Variants in HS6ST3 observed in about 807,000 individuals in gnomAD.
The protein encoded by HS6ST3 is heparan sulfate 6-O-sulfotransferase 3, also known as heparan-sulfate 6-O-sulfotransferase 3.
In HS6ST3, 12 loss-of-function variants were observed where a neutral mutation model predicts 36.7. The observed-to-expected ratio is 0.33, with a 90% confidence interval of 0.21 to 0.53. The LOEUF is 0.53. HS6ST3 is among the 20% of genes least tolerant of loss of function. The probability of loss-of-function intolerance (pLI) is 0.95; values close to 1 mark genes in which losing one functional copy is unlikely to be tolerated. For synonymous variants in HS6ST3, 240 were observed against 257.5 expected (o/e 0.93, Z 0.65); for missense variants, 584 against 640.9 (o/e 0.91, Z 0.96).
rs115931878 is a variant in HS6ST3 at position 96,452,153 on chromosome 13, T to A, written c.707+360584T>A. Among the ~76,000 whole-genome samples, 908 of 152,316 alleles carry A rather than the reference T, an allele frequency of 6.0e-3. 10 individuals are homozygous for A. The highest frequency in any genetic ancestry group is 0.021 in the African/African-American group (877 of 41,550). ...ACTCTCTTTACTGGTATTTGTGTAA[T>A]GCAGAATTAAATTTTGTGGAGCATT... is the stretch of plus-strand genomic sequence containing the variant. On this transcript the variant is annotated intron_variant, in intron 1 of 1. Coordinates refer to ENST00000376705, the MANE Select transcript of HS6ST3 (RefSeq NM_153456.4).
intron 1 of HS6ST3, among the ~76,000 whole-genome samples, chr13:96,139,217 A>G (rs1367927980): frequency 6.6e-6 from 1 of 152,058 alleles, no homozygotes; most frequent in East Asian, 1.9e-4. Context: ...ATATTAATAT[A>G]ATTTTTCTGA....
At chr13:96,615,159 C>A (rs927951173) in intron 1 of HS6ST3, among the ~76,000 whole-genome samples, 6 of 152,028 alleles carry the variant, frequency 3.9e-5, no homozygotes, top group African/African-American at 9.7e-5. Context: ...ATGAAAAAAA[C>A]CACAATTACT....
At chr13:96,507,779 G>A (rs1316372152) in intron 1 of HS6ST3, among the ~76,000 whole-genome samples, 3 of 151,988 alleles carry the variant, frequency 2.0e-5, no homozygotes, top group Non-Finnish European at 1.5e-5. Context: ...TTATTATTTG[G>A]TGAGCATCAT....
At chr13:96,647,436 C>T (rs577071148) in intron 1 of HS6ST3, among the ~76,000 whole-genome samples, 2 of 152,110 alleles carry the variant, frequency 1.3e-5, no homozygotes, top group East Asian at 1.9e-4. Context: ...TCTAGATGCA[C>T]CCATCCTTTC....
At chr13:96,125,595 C>T (rs2053946522) in intron 1 of HS6ST3, among the ~76,000 whole-genome samples, 1 of 151,890 alleles carries the variant, frequency 6.6e-6, no homozygotes, top group Non-Finnish European at 1.5e-5. Context: ...ACAGTATAAA[C>T]AAAATAAAAA....
chr13:96,509,644 A>G (rs1009263782), intron 1 of HS6ST3, among the ~76,000 whole-genome samples: 1 of 152,184 alleles, frequency 6.6e-6, no homozygotes, highest in African/African-American at 2.4e-5. Context: ...GTCAAAGATC[A>G]GTTGGCTGTG....
intron 1 of HS6ST3, among the ~76,000 whole-genome samples, chr13:96,506,458 T>C (rs961492616): frequency 2.0e-5 from 3 of 152,168 alleles, no homozygotes; most frequent in Non-Finnish European, 4.4e-5. Flanking sequence ...TGGGGAAACT[T>C]CCCATGAAGG....
intron 1 of HS6ST3, among the ~76,000 whole-genome samples, chr13:96,444,623 G>A (rs2055689482): frequency 6.6e-6 from 1 of 152,110 alleles, no homozygotes; most frequent in African/African-American, 2.4e-5. Context: ...TTTATGCTAT[G>A]CTTTCTGGAT....
rs551704269 is a variant in HS6ST3, at chr13:96,674,541, T to C, written c.708-157949T>C. Among the ~76,000 whole-genome samples, 793 of 152,056 alleles carry C rather than the reference T, an allele frequency of 5.2e-3. 8 individuals are homozygous for C. Among genetic ancestry groups the C allele is most frequent in the African/African-American group, 0.018 (755 of 41,494 alleles). ...TAGCACTCTGGGAACAGGGGGAAGT[T>C]AAGGGGCTAGGATTCTCCTTCATGA... is the stretch of plus-strand genomic sequence containing the variant. On this transcript the variant is annotated intron_variant, in intron 1 of 1. Transcript: ENST00000376705.
chr13:96,417,079 C>T (rs1285591185), intron 1 of HS6ST3, among the ~76,000 whole-genome samples: 2 of 152,154 alleles, frequency 1.3e-5, no homozygotes, highest in East Asian at 3.9e-4. Context: ...GCTGCCAGCA[C>T]ACGTTCAGAA....
chr13:96,510,546 G>A (rs967002283), intron 1 of HS6ST3, among the ~76,000 whole-genome samples: 8 of 152,040 alleles, frequency 5.3e-5, no homozygotes, highest in Middle Eastern at 3.4e-3. Context: ...AGCTCTAATG[G>A]GGGTGGCAGA....
At chr13:96,100,113 A>G (rs192538971) in intron 1 of HS6ST3, among the ~76,000 whole-genome samples, 20 of 152,298 alleles carry the variant, frequency 1.3e-4, no homozygotes, top group Admixed American at 1.0e-3. Context: ...TAAAGAATGA[A>G]ATCCTAAAAT....
chr13:96,442,993 C>A, intron 1 of HS6ST3, among the ~76,000 whole-genome samples: 1 of 151,398 alleles, frequency 6.6e-6, no homozygotes. Context: ...AGAAATTGAG[C>A]AATATTAGGT....
At chr13:96,613,029 G>A (rs1310593710) in intron 1 of HS6ST3, among the ~76,000 whole-genome samples, 3 of 152,072 alleles carry the variant, frequency 2.0e-5, no homozygotes, top group African/African-American at 7.2e-5. Context: ...ACTGATTCAG[G>A]TCTCTGCTCA....
chr13:96,243,063 A>C (rs992993516), intron 1 of HS6ST3, among the ~76,000 whole-genome samples: 2 of 152,246 alleles, frequency 1.3e-5, no homozygotes, highest in Non-Finnish European at 2.9e-5. Flanking sequence ...AACTCAGTAC[A>C]TCCAAAATAT....
At chr13:96,809,005 C>T (rs966109175) in intron 1 of HS6ST3, among the ~76,000 whole-genome samples, 1 of 152,114 alleles carries the variant, frequency 6.6e-6, no homozygotes, top group Admixed American at 6.5e-5. Flanking sequence ...TGGCATTACC[C>T]TCCATCAAAC....
chr13:96,140,747 A>G (rs1306919811), intron 1 of HS6ST3, among the ~76,000 whole-genome samples: 1 of 152,214 alleles, frequency 6.6e-6, no homozygotes, highest in African/African-American at 2.4e-5. Context: ...TTTATCTCAT[A>G]TCAAAAATGC....
intron 1 of HS6ST3, among the ~76,000 whole-genome samples, chr13:96,387,451 C>A (rs2055373879): frequency 6.6e-6 from 1 of 152,156 alleles, no homozygotes. Flanking sequence ...AGGAATAATA[C>A]TTCTTGTGGA....
At chr13:96,601,901 C>A (rs1312660331) in intron 1 of HS6ST3, among the ~76,000 whole-genome samples, 1 of 152,118 alleles carries the variant, frequency 6.6e-6, no homozygotes, top group East Asian at 1.9e-4. Flanking sequence ...TATGGAGAAT[C>A]TTTGGCTTTC....
Sources: gnomAD v4.1 joint callset for allele counts (sites outside exome capture counted in the v4.1 genomes callset) on GRCh38, gnomAD v4.1.1 for gene constraint, MANE v1.5 for transcripts, NCBI Gene and HGNC (gene_info 2026-07-23, HGNC 2026-07-21) for gene names.